IMMP2L: variants seen among roughly 807,000 people sequenced by gnomAD.
IMMP2L encodes the protein mitochondrial inner membrane protease subunit 2.
In IMMP2L, 18 loss-of-function variants were observed where a neutral mutation model predicts 19.3. That is an observed-to-expected ratio of 0.93 (90% CI 0.64 to 1.38). The LOEUF (loss-of-function observed/expected upper bound fraction) is 1.38, where lower values mean the gene tolerates loss of function less well. Ranked by LOEUF, IMMP2L falls within the 40% of genes most tolerant of loss-of-function variation. The pLI is 0.00. For missense variants in IMMP2L, 233 were observed against 218.2 expected, an observed-to-expected ratio of 1.07 and a Z score of -0.43; for synonymous variants, 76 against 73.0, an observed-to-expected ratio of 1.04 and a Z score of -0.21.
At chr7:111,122,872 A>G (rs773711248) in intron 3 of IMMP2L, 1 of 1,613,868 alleles carries the variant, frequency 6.2e-7, no homozygotes, top group African/African-American at 1.3e-5. Context: ...ACGGTTATGT[A>G]CGTGTGAAAT....
intron 2 of IMMP2L, among the ~76,000 whole-genome samples, chr7:111,498,903 C>T (rs1843860712): frequency 6.6e-6 from 1 of 151,744 alleles, no homozygotes; most frequent in Admixed American, 6.6e-5. Flanking sequence ...AGCTCAAATG[C>T]ATAGGAAACA....
At position 110,914,584 on chromosome 7, in the gene IMMP2L, A is replaced by G. The variant is rs1005461753; in HGVS notation, c.306-27889T>C. 2.6e-5 allele frequency among the ~76,000 whole-genome samples: 4 copies of G among 152,122 alleles called. No individual in the cohort carries two copies. In the East Asian group the frequency reaches 5.8e-4, roughly 22 times the overall value. On this transcript the variant is annotated intron_variant, in intron 4 of 5. Transcript: ENST00000405709. ...GACATCGTCCCCATAAACTTTTCAAAAAGCACCAATGATTTCATCATTCTT... is the reference window on the plus strand; with the variant it reads ...GACATCGTCCCCATAAACTTTTCAAGAAGCACCAATGATTTCATCATTCTT...
At chr7:111,077,369 A>T (rs141819527) in intron 3 of IMMP2L, among the ~76,000 whole-genome samples, 1 of 152,320 alleles carries the variant, frequency 6.6e-6, no homozygotes, top group African/African-American at 2.4e-5. Context: ...GGATGAGGGC[A>T]ACTTGCTCTT....
intron 3 of IMMP2L, among the ~76,000 whole-genome samples, chr7:111,345,381 C>T (rs1431489013): frequency 6.6e-6 from 1 of 152,076 alleles, no homozygotes; most frequent in East Asian, 1.9e-4. Context: ...CAGCTGTTTG[C>T]AATAAGCCCT....
intron 3 of IMMP2L, among the ~76,000 whole-genome samples, chr7:111,152,387 T>C (rs888784882): frequency 6.6e-6 from 1 of 152,196 alleles, no homozygotes. Flanking sequence ...TCACCAACAG[T>C]ATAGTACTCC....
intron 3 of IMMP2L, among the ~76,000 whole-genome samples, chr7:111,334,522 T>C (rs750128906): frequency 2.6e-5 from 4 of 152,116 alleles, no homozygotes; most frequent in Non-Finnish European, 5.9e-5. Context: ...GAAAAATTCA[T>C]AGCCTTAACA....
At chr7:111,270,906 C>A (rs546500835) in intron 3 of IMMP2L, among the ~76,000 whole-genome samples, 1 of 152,206 alleles carries the variant, frequency 6.6e-6, no homozygotes, top group Non-Finnish European at 1.5e-5. Context: ...TTTTCAAAAT[C>A]TTAGTGTAAA....
intron 3 of IMMP2L, among the ~76,000 whole-genome samples, chr7:111,038,086 C>A (rs1251209418): frequency 6.6e-6 from 1 of 151,990 alleles, no homozygotes; most frequent in Non-Finnish European, 1.5e-5. Flanking sequence ...CAATGAAGAA[C>A]CTTAATTTGA....
chr7:111,425,541 G>A (rs780444016), intron 3 of IMMP2L, among the ~76,000 whole-genome samples: 3 of 151,060 alleles, frequency 2.0e-5, no homozygotes, highest in Non-Finnish European at 4.4e-5. Context: ...ACTGATGGAT[G>A]AATAGAGGGA....
intron 3 of IMMP2L, among the ~76,000 whole-genome samples, chr7:111,324,554 T>G (rs1343569736): frequency 6.6e-6 from 1 of 151,868 alleles, no homozygotes; most frequent in Non-Finnish European, 1.5e-5. Context: ...AAGGCATGTT[T>G]GAGAAAACCA....
chr7:111,103,790 ATTCCT>A (rs1180507586), intron 3 of IMMP2L, among the ~76,000 whole-genome samples: 1 of 151,532 alleles, frequency 6.6e-6, no homozygotes, highest in East Asian at 1.9e-4. Context: ...TTTTCACAAC[ATTCCT>A]TTCAAGTAGG....
chr7:111,252,824 T>C (rs2129632566), intron 3 of IMMP2L, among the ~76,000 whole-genome samples: 1 of 152,278 alleles, frequency 6.6e-6, no homozygotes, highest in South Asian at 2.1e-4. Flanking sequence ...CATTTTCTAT[T>C]GCATATTCTA....
At chr7:111,220,115 A>G (rs1242189666) in intron 3 of IMMP2L, among the ~76,000 whole-genome samples, 1 of 152,026 alleles carries the variant, frequency 6.6e-6, no homozygotes, top group Non-Finnish European at 1.5e-5. Context: ...ACCTAATATT[A>G]CATTTTTCCA....
intron 3 of IMMP2L, among the ~76,000 whole-genome samples, chr7:111,069,625 T>A (rs941919960): frequency 6.6e-6 from 1 of 152,150 alleles, no homozygotes; most frequent in African/African-American, 2.4e-5. Context: ...TAGATATACA[T>A]GTAGATACAC....
At chr7:110,893,367 T>G (rs1563060107) in intron 4 of IMMP2L, among the ~76,000 whole-genome samples, 2 of 152,200 alleles carry the variant, frequency 1.3e-5, no homozygotes. Context: ...AAGGTATGAC[T>G]GTAAATGGGA....
intron 5 of IMMP2L, among the ~76,000 whole-genome samples, chr7:110,736,138 T>C (rs143125904): frequency 2.7e-4 from 41 of 152,138 alleles, no homozygotes; most frequent in African/African-American, 6.7e-4. Flanking sequence ...TGCTGGAACA[T>C]AGTGACAACT....
chr7:110,753,092 C>G (rs535217808), intron 5 of IMMP2L, among the ~76,000 whole-genome samples: 1 of 151,900 alleles, frequency 6.6e-6, no homozygotes, highest in African/African-American at 2.4e-5. Flanking sequence ...ATAGGAAATG[C>G]TTGGTTGATG....
intron 3 of IMMP2L, among the ~76,000 whole-genome samples, chr7:111,003,997 A>C (rs759519929): frequency 6.6e-6 from 1 of 152,338 alleles, no homozygotes; most frequent in Admixed American, 6.5e-5. Flanking sequence ...GAAAGCAATG[A>C]ATCATTGCCA....
intron 4 of IMMP2L, among the ~76,000 whole-genome samples, chr7:110,932,192 A>G (rs1815569019): frequency 6.6e-6 from 1 of 152,128 alleles, no homozygotes; most frequent in African/African-American, 2.4e-5. Flanking sequence ...GGGGATTCTT[A>G]TCGATGTCCA....
Sources: allele counts gnomAD v4.1 joint callset (sites outside exome capture counted in the v4.1 genomes callset), GRCh38; gene constraint gnomAD v4.1.1; transcripts MANE v1.5; gene names NCBI Gene and HGNC (gene_info 2026-07-23, HGNC 2026-07-21).